TNK2: variants seen among roughly 807,000 people sequenced by gnomAD.
The protein encoded by TNK2 is activated CDC42 kinase 1.
Under a neutral mutation model 101.8 loss-of-function variants are expected in TNK2, and 83 were observed. The ratio of observed to expected loss-of-function variants is 0.82; its 90% CI spans 0.68 to 0.98. The LOEUF (loss-of-function observed/expected upper bound fraction) is 0.98, where lower values mean the gene tolerates loss of function less well. TNK2 is among the 50% of genes least tolerant of loss of function. TNK2 has a pLI of 0.00. For missense variants in TNK2, 1,665 were observed against 1,483.2 expected, an observed-to-expected ratio of 1.12 and a Z score of -2.01; for synonymous variants, 804 against 633.0, an observed-to-expected ratio of 1.27 and a Z score of -4.06.
Position 195,867,868 on chromosome 3 carries a change from CA to C in TNK2, c.2429del (p.Leu810ArgfsTer38). The part of the protein sequence containing the change: ...SPQGSRTPSP[L>X]VPPGSSPLPP... The stretch of plus-strand genomic sequence containing the variant: ...GCAGCGGGGAGCTGCCAGGTGGTAC[CA>C]GGGGGCTGGGTGTCCTCGAGCCTTG... On this transcript the variant is annotated frameshift_variant, in exon 13 of 16. Coordinates refer to ENST00000672887, the MANE Select transcript of TNK2 (RefSeq NM_001382273.1). LOFTEE classifies it high-confidence loss of function. 3.9e-6 allele frequency: 6 copies of C among 1,531,218 alleles called. No individual in the cohort carries two copies. The highest frequency in any genetic ancestry group is 1.3e-5 in the South Asian group (1 of 77,378). The allele number at this position is 1,531,218 out of a possible 1,614,324, so 94.9% of individuals were successfully genotyped here. A position where few individuals can be genotyped will look rare whatever the true frequency, so the allele number is the denominator to read the frequency against.
At chr3:195,895,544 G>A (rs1381418536) in intron 1 of TNK2, 9 of 1,334,020 alleles carry the variant, frequency 6.7e-6, no homozygotes, top group Non-Finnish European at 8.6e-6. Context: ...GCCCGTCCCA[G>A]CTCCGTTCCT....
Position 195,888,289 on chromosome 3 carries a change from G to T in TNK2, c.163+137C>A. On this transcript the variant is annotated intron_variant, in intron 2 of 15. Transcript: ENST00000672887. The surrounding 1 kb of genome is among the most constrained non-coding windows in gnomAD (Gnocchi z 5.3). ...TGCCAACTGTTCTCATCACACATCA[G>T]CACCTACTGATGTCCCTCCTGCTCC... 1 of 876,122 alleles carries T rather than the reference G, an allele frequency of 1.1e-6. No homozygotes were observed. The highest frequency in any genetic ancestry group is 1.8e-6 in the Non-Finnish European group (1 of 566,586). 54.3% of individuals were successfully genotyped at this position (876,122 alleles called of 1,614,324 possible).
At chr3:195,879,376 G>A (rs544135596) in intron 6 of TNK2, 7 of 665,234 alleles carry the variant, frequency 1.1e-5, no homozygotes, top group Admixed American at 3.2e-5. Flanking sequence ...TCTAAGCCCA[G>A]GCCTCTTATT....
intron 1 of TNK2, among the ~76,000 whole-genome samples, chr3:195,899,741 C>T: frequency 6.6e-6 from 1 of 152,202 alleles, no homozygotes; most frequent in East Asian, 1.9e-4. Context: ...GTCTGTATAC[C>T]TCTGCTGTGG....
chr3:195,893,359 T>C (rs1284156128), intron 1 of TNK2, among the ~76,000 whole-genome samples: 2 of 151,464 alleles, frequency 1.3e-5, no homozygotes, highest in African/African-American at 4.9e-5. Flanking sequence ...TCCCCTGGGG[T>C]GGCCCTGTCT....
At chr3:195,869,383 A>G in intron 12 of TNK2, 114 bp downstream of exon 12, 1 of 1,052,610 alleles carries the variant, frequency 9.5e-7, no homozygotes, top group Admixed American at 2.0e-5. Context: ...CTCACAGCAC[A>G]CACCCACCCA....
At chr3:195,904,630 A>G (rs1457897125) in intron 1 of TNK2, among the ~76,000 whole-genome samples, 1 of 152,242 alleles carries the variant, frequency 6.6e-6, no homozygotes, top group Non-Finnish European at 1.5e-5. Context: ...GTGCAACAGT[A>G]TGAATGTATT....
chr3:195,885,631 GC>G lies in TNK2; in HGVS notation c.235-599del. The stretch of plus-strand genomic sequence containing the variant: ...TGAAGCTAGTCCTTGCTGGGAAGGG[GC>G]CTGGGAAGACAGCTGGGTCTCTGGA... On this transcript the variant is annotated intron_variant, in intron 3 of 15. Coordinates refer to ENST00000672887, the MANE Select transcript of TNK2 (RefSeq NM_001382273.1). The surrounding 1 kb of genome is among the most constrained non-coding windows in gnomAD (Gnocchi z 4.7). The G allele has an allele frequency of 7.8e-7, 1 of 1,274,166 alleles. No homozygotes were observed. The highest frequency in any genetic ancestry group is 1.0e-6 in the Non-Finnish European group (1 of 974,798). 78.9% of individuals were successfully genotyped at this position (1,274,166 alleles called of 1,614,324 possible).
intron 1 of TNK2, chr3:195,896,091 CCTG>C (rs1226149504): frequency 2.2e-6 from 1 of 455,796 alleles, no homozygotes; most frequent in East Asian, 7.0e-5. Context: ...GGCCCGGACT[CCTG>C]CTCAAAAGCC....
chr3:195,905,571 T>C (rs1319443333), intron 1 of TNK2, among the ~76,000 whole-genome samples: 2 of 152,038 alleles, frequency 1.3e-5, no homozygotes, highest in African/African-American at 4.8e-5. Context: ...ATGGTGCTAC[T>C]AGATCAATTA....
intron 6 of TNK2, among the ~76,000 whole-genome samples, chr3:195,880,046 C>CA (rs1369048716): frequency 6.6e-6 from 1 of 152,256 alleles, no homozygotes; most frequent in East Asian, 1.9e-4. Flanking sequence ...CGTCCTGGAT[C>CA]ATAAGGGTTG....
At position 195,868,452 on chromosome 3, in the gene TNK2, C is replaced by T. The variant is rs1375548377; in HGVS notation, c.1846G>A (p.Asp616Asn). 3.2e-6 allele frequency: 5 copies of T among 1,563,892 alleles called. No individual in the cohort carries two copies. Among genetic ancestry groups the T allele is most frequent in the East Asian group, 4.5e-5 (2 of 44,036 alleles). Residue 616 changes from aspartate (D) to asparagine (N), a missense_variant, in exon 13 of 16, where the codon GAC (aspartate) becomes AAC (asparagine). Physicochemically the swap from Asp to Asn is conservative, Grantham distance 23 (BLOSUM62 1). Around this residue, in one of 3 missense-constraint regions of TNK2, gnomAD observed 1,136 missense variants for 894.9 expected, o/e 1.27. Coordinates refer to ENST00000672887, the MANE Select transcript of TNK2 (RefSeq NM_001382273.1). ...GTGGGGCTCTGAGGCGGGGTCTCGT[C>T]CAGCAGGGAGCAGGCGTCCATGGCC... is the stretch of plus-strand genomic sequence containing the variant. ...QLAMDACSLL[D>N]ETPPQSPTRA...
chr3:195,869,558 G>A lies in TNK2; in HGVS notation c.1544-17C>T, dbSNP rs1212084955. 1 of 1,551,266 alleles carries A rather than the reference G, an allele frequency of 6.4e-7. No individual in the cohort carries two copies. Among genetic ancestry groups the A allele is most frequent in the East Asian group, 2.4e-5 (1 of 40,918 alleles). ...GAGGCTCCCCTGCAAGAAAGGCCAT[G>A]CGGACAGGGGGAGAGAGACGGAGCA... On this transcript the variant is annotated splice_polypyrimidine_tract_variant and intron_variant, in intron 11 of 15. Coordinates refer to ENST00000672887, the MANE Select transcript of TNK2 (RefSeq NM_001382273.1).
chr3:195,870,367 C>T, intron 10 of TNK2, 162 bp from the exon 11 acceptor site: 1 of 1,490,756 alleles, frequency 6.7e-7, no homozygotes, highest in Non-Finnish European at 9.0e-7. Flanking sequence ...CACGTCTCAG[C>T]TGGGGGGTGT....
Position 195,869,393 on chromosome 3 carries a change from A to G in TNK2, c.1588+104T>C, listed in dbSNP as rs1209737109. 5.1e-6 allele frequency: 3 copies of G among 584,740 alleles called. No homozygotes were observed. The East Asian group carries it at 1.4e-4, about 27-fold the overall frequency. 36.2% of individuals were successfully genotyped at this position (584,740 alleles called of 1,614,324 possible). On this transcript the variant is annotated intron_variant, in intron 12 of 15. Coordinates refer to ENST00000672887, the MANE Select transcript of TNK2 (RefSeq NM_001382273.1). Reference sequence around the variant, plus strand: ...GGAAGCTCACAGCACACACCCACCCACCTCCCCTCCGGCCCAGCCGCCCAG... The same window carrying G: ...GGAAGCTCACAGCACACACCCACCCGCCTCCCCTCCGGCCCAGCCGCCCAG...
chr3:195,891,523 G>A (rs756588050), intron 1 of TNK2, among the ~76,000 whole-genome samples: 1 of 152,224 alleles, frequency 6.6e-6, no homozygotes, highest in Non-Finnish European at 1.5e-5. Flanking sequence ...AACAAGAGGC[G>A]TGGGGTTTAA....
At position 195,868,738 on chromosome 3, in the gene TNK2, A is replaced by G. The variant is rs1420218263; in HGVS notation, c.1589-29T>C. 3 of 1,522,826 alleles carry G rather than the reference A, an allele frequency of 2.0e-6. No homozygotes were observed. In the African/African-American group the frequency reaches 4.3e-5, roughly 22 times the overall value. 94.3% of individuals were successfully genotyped at this position (1,522,826 alleles called of 1,614,324 possible). A position where few individuals can be genotyped will look rare whatever the true frequency, so the allele number is the denominator to read the frequency against. On this transcript the variant is annotated intron_variant, in intron 12 of 15. Transcript: ENST00000672887. Reference sequence around the variant, plus strand: ...TGATGGAAAGGGAGAGCCCAACAGGAAGGCAGTCAGGCAGGGTCTGGGACA... The same window carrying G: ...TGATGGAAAGGGAGAGCCCAACAGGGAGGCAGTCAGGCAGGGTCTGGGACA...
chr3:195,879,312 G>C, intron 6 of TNK2, 137 bp from the exon 7 acceptor site: 2 of 1,347,714 alleles, frequency 1.5e-6, no homozygotes, highest in Non-Finnish European at 2.0e-6. Flanking sequence ...CAGGGGCGCC[G>C]TGTGAAGCGG....
rs762933162 is a variant in TNK2 at position 195,884,853 on chromosome 3, C to T, written c.415G>A (p.Val139Met). ...LEKLGDGSFGVVRRGEWDAPS... is the reference protein window; with the variant it reads ...LEKLGDGSFGMVRRGEWDAPS... ...GCGTCCCACTCGCCCCTGCGCACCA[C>T]GCCAAAGGAACCATCACCCAGCTTC... Residue 139 changes from valine (V) to methionine (M), a missense_variant, in exon 4 of 16, where the codon GTG becomes ATG. Val to Met is a conservative substitution (Grantham distance 21). Around this residue, in one of 3 missense-constraint regions of TNK2, gnomAD observed 490 missense variants for 522.5 expected, o/e 0.94. Coordinates refer to ENST00000672887, the MANE Select transcript of TNK2 (RefSeq NM_001382273.1). 1.9e-5 allele frequency: 31 copies of T among 1,613,230 alleles called. No homozygotes were observed. Among genetic ancestry groups the T allele is most frequent in the South Asian group, 1.9e-4 (17 of 91,040 alleles).
Sources: gnomAD v4.1 joint callset for allele counts (sites outside exome capture counted in the v4.1 genomes callset) on GRCh38, gnomAD v4.1.1 for gene constraint, gnomAD v4.1.1 regional missense constraint, Gnocchi (gnomAD v3.1) non-coding constraint, MANE v1.5 for transcripts, NCBI Gene and HGNC (gene_info 2026-07-23, HGNC 2026-07-21) for gene names.